Variants in CUX1 observed in about 807,000 individuals in gnomAD.
CUX1 encodes the protein protein CASP.
A neutral mutation model predicts 158.8 loss-of-function variants in CUX1; 31 were observed. The observed-to-expected ratio is 0.20, with a 90% CI of 0.15 to 0.26. The LOEUF (loss-of-function observed/expected upper bound fraction) is 0.26, where lower values mean the gene tolerates loss of function less well. Ranked by LOEUF, CUX1 falls within the 10% of genes least tolerant of loss-of-function variation. CUX1 has a pLI of 1.00. For synonymous variants in CUX1, 879 were observed against 862.1 expected (o/e 1.02, Z -0.34); for missense variants, 1,589 against 2,014.6 (o/e 0.79, Z 4.04).
intron 11 of CUX1, chr7:102,186,877 A>C (rs1793681586): frequency 1.3e-5 from 2 of 152,024 alleles, no homozygotes; most frequent in South Asian, 4.1e-4. Context: ...TACTAAAAAT[A>C]GAAAAATTAG....
intron 6 of CUX1, among the ~76,000 whole-genome samples, chr7:102,110,338 ATTAG>A (rs577660959): frequency 4.8e-4 from 73 of 152,316 alleles, no homozygotes; most frequent in Admixed American, 1.4e-3. Flanking sequence ...CATGTTACAT[ATTAG>A]TTCATATTAA....
intron 5 of CUX1, among the ~76,000 whole-genome samples, chr7:102,103,428 TCTCTCTCACTCA>T (rs782781937): frequency 2.2e-4 from 24 of 109,410 alleles, no homozygotes; most frequent in Non-Finnish European, 3.7e-4. Context: ...TCTCTCTCTC[TCTCTCTCACTCA>T]CTCACTCACT....
rs782580452 is a variant in CUX1, at chr7:102,249,094, G to A, written c.*52G>A. ...CAGGCTGGGCCGCAAGGGCCTGGACGGGGTCGGACGGGGCAGGCGCTGCGG... is the reference window on the plus strand; with the variant it reads ...CAGGCTGGGCCGCAAGGGCCTGGACAGGGTCGGACGGGGCAGGCGCTGCGG... On this transcript the variant is annotated 3_prime_UTR_variant, in exon 24 of 24. Transcript: ENST00000292535. 3 of 1,211,218 alleles carry A rather than the reference G, an allele frequency of 2.5e-6. No individual in the cohort carries two copies. Among genetic ancestry groups the A allele is most frequent in the East Asian group, 3.5e-5 (1 of 28,726 alleles). The allele number at this position is 1,211,218 out of a possible 1,614,324, so 75.0% of individuals were successfully genotyped here.
chr7:102,050,318 G>A (rs557594117), intron 3 of CUX1, among the ~76,000 whole-genome samples: 44 of 152,328 alleles, frequency 2.9e-4, no homozygotes, highest in African/African-American at 1.0e-3. Context: ...CTGGATGGGA[G>A]CTGGTAGCTA....
intron 11 of CUX1, among the ~76,000 whole-genome samples, chr7:102,184,756 C>G (rs1157275821): frequency 1.3e-5 from 2 of 152,176 alleles, no homozygotes; most frequent in Non-Finnish European, 2.9e-5. Context: ...AAGTGATCCT[C>G]CCACTTTAGC....
chr7:102,220,681 G>A (rs954371384), intron 20 of CUX1, among the ~76,000 whole-genome samples: 7 of 152,172 alleles, frequency 4.6e-5, no homozygotes, highest in Admixed American at 1.3e-4. Context: ...AGAGCCTGCC[G>A]TGCATCCTTG....
chr7:102,046,622 G>C (rs1822850999), intron 3 of CUX1, among the ~76,000 whole-genome samples: 1 of 132,518 alleles, frequency 7.5e-6, no homozygotes, highest in South Asian at 2.5e-4. Context: ...TGTCACCCAG[G>C]CTGGAGTGCA....
intron 7 of CUX1, 52 bp downstream of exon 7, chr7:102,111,826 G>A (rs1830920256): frequency 1.5e-5 from 23 of 1,553,976 alleles, no homozygotes; most frequent in Non-Finnish European, 2.0e-5. Context: ...CCCAGGGGGA[G>A]AGTTGGGTCA....
intron 20 of CUX1, among the ~76,000 whole-genome samples, chr7:102,214,017 C>T (rs902821054): frequency 1.3e-5 from 2 of 152,176 alleles, no homozygotes; most frequent in South Asian, 4.1e-4. Flanking sequence ...TGCCTGTATT[C>T]CCAGCTACTC....
intron 1 of CUX1, among the ~76,000 whole-genome samples, chr7:101,839,691 G>T (rs1270209587): frequency 6.6e-6 from 1 of 151,336 alleles, no homozygotes; most frequent in African/African-American, 2.4e-5. Context: ...TTTCTAAATG[G>T]TTTACCATCT....
chr7:102,061,656 G>A (rs892255538), intron 3 of CUX1, among the ~76,000 whole-genome samples: 1 of 152,248 alleles, frequency 6.6e-6, no homozygotes, highest in Non-Finnish European at 1.5e-5. Context: ...CCTTGGCTGT[G>A]TGTGGCGTGG....
intron 14 of CUX1, among the ~76,000 whole-genome samples, chr7:102,266,817 A>G (rs1790844798): frequency 6.6e-6 from 1 of 152,158 alleles, no homozygotes; most frequent in South Asian, 2.1e-4. Flanking sequence ...AGTCAGCGTG[A>G]GGGGTGGCAG....
intron 8 of CUX1, among the ~76,000 whole-genome samples, chr7:102,121,929 G>C (rs541791815): frequency 6.6e-6 from 1 of 152,082 alleles, no homozygotes; most frequent in Non-Finnish European, 1.5e-5. Flanking sequence ...GCGTTCCTGG[G>C]GGGTTCAGCC....
At chr7:101,968,927 C>T (rs1444535030) in intron 2 of CUX1, among the ~76,000 whole-genome samples, 1 of 152,094 alleles carries the variant, frequency 6.6e-6, no homozygotes, top group African/African-American at 2.4e-5. Context: ...AGGGTCTGGT[C>T]AGGCCAGCTG....
intron 1 of CUX1, among the ~76,000 whole-genome samples, chr7:101,886,584 G>A (rs1800251716): frequency 6.6e-6 from 1 of 152,184 alleles, no homozygotes; most frequent in South Asian, 2.1e-4. Context: ...GATACCCGTG[G>A]GGAGAAGCCC....
Position 102,250,787 on chromosome 7 carries a change from C to G in CUX1, c.*1745C>G. The G allele has an allele frequency of 1.0e-6, 1 of 984,800 alleles. No individual in the cohort carries two copies. Among genetic ancestry groups the G allele is most frequent in the Non-Finnish European group, 1.2e-6 (1 of 829,476 alleles). 61.0% of individuals were successfully genotyped at this position (984,800 alleles called of 1,614,324 possible). ...ATAGAGGCGGGTGAGAGTGTGCGTG[C>G]GTGTGCGTGTGTGCAATTTTATACG... On this transcript the variant is annotated 3_prime_UTR_variant, in exon 24 of 24. Transcript: ENST00000292535.
rs574031971 is a variant in CUX1 at position 101,917,335 on chromosome 7, C to T, written c.141+1110C>T. ...TTATGGAAAACAAATTAATAACCTTCTGTCTTCAGAATAAATATTTTAGGA... is the reference window on the plus strand; with the variant it reads ...TTATGGAAAACAAATTAATAACCTTTTGTCTTCAGAATAAATATTTTAGGA... On this transcript the variant is annotated intron_variant, in intron 2 of 23. Transcript: ENST00000292535. Among the ~76,000 whole-genome samples the T allele has an allele frequency of 3.3e-5, 5 of 152,368 alleles. No individual in the cohort carries two copies. The East Asian group carries it at 9.6e-4, about 29-fold the overall frequency.
At chr7:102,260,414 G>A (rs1241987728), downstream of CUX1, among the ~76,000 whole-genome samples, 5 of 3,652 alleles carry the variant, frequency 1.4e-3, no homozygotes, top group East Asian at 0.059. Context: ...GTTTCGTTTC[G>A]TTTTGTTTTT....
At chr7:101,969,860 ATAAT>A (rs1811719186) in intron 2 of CUX1, among the ~76,000 whole-genome samples, 1 of 152,064 alleles carries the variant, frequency 6.6e-6, no homozygotes, top group African/African-American at 2.4e-5. Context: ...ATCTGCAGTA[ATAAT>A]TAAGTAACTT....
Sources: gnomAD v4.1 joint callset for allele counts (sites outside exome capture counted in the v4.1 genomes callset) on GRCh38, gnomAD v4.1.1 for gene constraint, MANE v1.5 for transcripts, NCBI Gene and HGNC (gene_info 2026-07-23, HGNC 2026-07-21) for gene names.